ANKRD17: variants seen among roughly 807,000 people sequenced by gnomAD.
ANKRD17 encodes ankyrin repeat domain-containing protein 17.
A neutral mutation model predicts 229.7 loss-of-function variants in ANKRD17; 19 were observed. That is an observed-to-expected ratio of 0.08 (90% CI 0.06 to 0.12). The LOEUF (loss-of-function observed/expected upper bound fraction) is 0.12, where lower values mean the gene tolerates loss of function less well. Ranked by LOEUF, ANKRD17 falls within the 10% of genes least tolerant of loss-of-function variation. The pLI is 1.00. For missense variants in ANKRD17, 2,176 were observed against 3,176.8 expected (o/e 0.68, Z 7.57); for synonymous variants, 1,112 against 1,146.1 (o/e 0.97, Z 0.60).
chr4:73,175,073 T>C (rs1734550105), intron 2 of ANKRD17, among the ~76,000 whole-genome samples: 1 of 152,096 alleles, frequency 6.6e-6, no homozygotes, highest in Non-Finnish European at 1.5e-5. Context: ...GAAAAAGCAA[T>C]CTATATTGGT....
intron 1 of ANKRD17, among the ~76,000 whole-genome samples, chr4:73,181,973 G>A (rs371037972): frequency 1.1e-4 from 14 of 128,870 alleles, no homozygotes; most frequent in South Asian, 5.2e-4. Context: ...ACTTAAACCC[G>A]GGAGGTGAAG....
At chr4:73,185,331 A>T (rs1236179568) in intron 1 of ANKRD17, among the ~76,000 whole-genome samples, 1 of 151,814 alleles carries the variant, frequency 6.6e-6, no homozygotes, top group East Asian at 1.9e-4. Flanking sequence ...TCTGGAAAAT[A>T]CTCTATTTAT....
intron 1 of ANKRD17, among the ~76,000 whole-genome samples, chr4:73,212,131 T>C (rs1231888811): frequency 6.6e-6 from 1 of 151,956 alleles, no homozygotes; most frequent in Non-Finnish European, 1.5e-5. Context: ...AAGGTGTGGG[T>C]TGGGCAGAGG....
At chr4:73,144,508 CT>C (rs1730002362) in intron 11 of ANKRD17, among the ~76,000 whole-genome samples, 2 of 152,138 alleles carry the variant, frequency 1.3e-5, no homozygotes, top group South Asian at 4.1e-4. Flanking sequence ...AGAAATTTCC[CT>C]TTCCTTTATA....
chr4:73,239,473 A>AT (rs1207214873), intron 1 of ANKRD17, among the ~76,000 whole-genome samples: 9 of 152,194 alleles, frequency 5.9e-5, no homozygotes, highest in African/African-American at 2.2e-4. Flanking sequence ...TAAGATAACT[A>AT]TATGTGTATT....
intron 1 of ANKRD17, among the ~76,000 whole-genome samples, chr4:73,202,503 G>A (rs1738811104): frequency 6.6e-6 from 1 of 152,004 alleles, no homozygotes; most frequent in African/African-American, 2.4e-5. Context: ...CCAAAAGATT[G>A]GTGGAGAAAT....
In ANKRD17 at chr4:73,140,387, T is replaced by C; in HGVS notation, c.2333-104A>G. The C allele has an allele frequency of 2.6e-6, 3 of 1,161,878 alleles. No homozygotes were observed. The East Asian group carries it at 7.9e-5, about 30-fold the overall frequency. The allele number at this position is 1,161,878 out of a possible 1,614,324, so 72.0% of individuals were successfully genotyped here. A position where few individuals can be genotyped will look rare whatever the true frequency, so the allele number is the denominator to read the frequency against. On this transcript the variant is annotated intron_variant, in intron 14 of 33. Transcript: ENST00000358602. ...CCAACAGTTATGCACTAAGTAATCA[T>C]ATCCATAACAGGTGAAAATGCACTG... is the stretch of plus-strand genomic sequence containing the variant.
chr4:73,183,418 T>G (rs1324448748), intron 1 of ANKRD17, among the ~76,000 whole-genome samples: 6 of 152,298 alleles, frequency 3.9e-5, no homozygotes, highest in African/African-American at 1.4e-4. Flanking sequence ...TTGAAAATGT[T>G]GCATCTGAGA....
At chr4:73,101,163 G>A (rs1723931391) in intron 25 of ANKRD17, 1 of 936,060 alleles carries the variant, frequency 1.1e-6, no homozygotes, top group Non-Finnish European at 1.3e-6. Context: ...GAGGGTCCTG[G>A]AAACCATCCC....
intron 32 of ANKRD17, 73 bp downstream of exon 32, chr4:73,077,282 T>C: frequency 7.0e-7 from 1 of 1,431,952 alleles, no homozygotes; most frequent in Non-Finnish European, 9.4e-7. Flanking sequence ...AGATTATACA[T>C]ATGCCTACTA....
At chr4:73,220,197 T>G (rs1741661904) in intron 1 of ANKRD17, among the ~76,000 whole-genome samples, 1 of 152,142 alleles carries the variant, frequency 6.6e-6, no homozygotes, top group Non-Finnish European at 1.5e-5. Flanking sequence ...TAATCATGTC[T>G]CAGGAAAACA....
chr4:73,236,441 A>C (rs1351485995), intron 1 of ANKRD17, among the ~76,000 whole-genome samples: 1 of 152,142 alleles, frequency 6.6e-6, no homozygotes, highest in Non-Finnish European at 1.5e-5. Context: ...GAGTCACTGC[A>C]ACCAGCCTGA....
At chr4:73,219,098 T>C (rs1245243488) in intron 1 of ANKRD17, among the ~76,000 whole-genome samples, 1 of 152,144 alleles carries the variant, frequency 6.6e-6, no homozygotes, top group Non-Finnish European at 1.5e-5. Context: ...CCAACATTTC[T>C]CAACTTGATT....
chr4:73,175,849 C>A (rs933676629), intron 2 of ANKRD17, among the ~76,000 whole-genome samples: 4 of 151,962 alleles, frequency 2.6e-5, no homozygotes, highest in African/African-American at 9.7e-5. Flanking sequence ...TACTATGAAA[C>A]TACTAAAAGG....
chr4:73,154,100 A>C lies in ANKRD17; in HGVS notation c.1014T>G (p.Leu338=). Residue 338 remains leucine, a synonymous_variant, in exon 6 of 34, where the codon CTT becomes CTG. Coordinates refer to ENST00000358602, the MANE Select transcript of ANKRD17 (RefSeq NM_032217.5). ...CATAGCCTCCAGCACAAGCATATGT[A>C]AGTGCTGTATTGCCTATTTTAATTA... is the stretch of plus-strand genomic sequence containing the variant. ...NAQSSTGNTA[L]TYACAGGYVD... is the part of the protein sequence containing the mutation. 6.3e-7 allele frequency: 1 copy of C among 1,599,472 alleles called. No individual in the cohort carries two copies. The highest frequency in any genetic ancestry group is 1.3e-5 in the African/African-American group (1 of 74,634).
intron 1 of ANKRD17, among the ~76,000 whole-genome samples, chr4:73,207,729 ACT>A (rs1739664592): frequency 1.3e-5 from 2 of 152,186 alleles, no homozygotes; most frequent in African/African-American, 2.4e-5. Context: ...AGACATAGTA[ACT>A]CTAAATGTGT....
intron 33 of ANKRD17, among the ~76,000 whole-genome samples, chr4:73,076,573 T>C (rs1317365360): frequency 2.6e-5 from 4 of 152,108 alleles, no homozygotes; most frequent in Non-Finnish European, 1.5e-5. Flanking sequence ...TAAACTAAAA[T>C]ATACAACCAT....
At chr4:73,206,881 G>A (rs920875017) in intron 1 of ANKRD17, among the ~76,000 whole-genome samples, 4 of 152,114 alleles carry the variant, frequency 2.6e-5, no homozygotes, top group African/African-American at 4.8e-5. Flanking sequence ...GGAGTGAAGG[G>A]GCGTGATCTC....
At position 73,167,269 on chromosome 4, in the gene ANKRD17, A is replaced by T. The variant is rs369799518; in HGVS notation, c.548-5921T>A. On this transcript the variant is annotated intron_variant, in intron 2 of 33. Coordinates refer to ENST00000358602, the MANE Select transcript of ANKRD17 (RefSeq NM_032217.5). The stretch of plus-strand genomic sequence containing the variant: ...AATTTCCATTTAAAAAGGGAAGGAA[A>T]TAAAGGAGTGAGGGAGAGGAAAAGT... 5.3e-5 allele frequency among the ~76,000 whole-genome samples: 8 copies of T among 152,212 alleles called. No individual in the cohort carries two copies. In the East Asian group the frequency reaches 9.6e-4, roughly 18 times the overall value.
Sources: gnomAD v4.1 joint callset for allele counts (sites outside exome capture counted in the v4.1 genomes callset) on GRCh38, gnomAD v4.1.1 for gene constraint, MANE v1.5 for transcripts, NCBI Gene and HGNC (gene_info 2026-07-23, HGNC 2026-07-21) for gene names.